PPP1R14C: variants seen among roughly 807,000 people sequenced by gnomAD.
PPP1R14C encodes protein phosphatase 1 regulatory inhibitor subunit 14C.
In PPP1R14C, 16 loss-of-function variants were observed where a neutral mutation model predicts 20.4. That is an observed-to-expected ratio of 0.78 (90% CI 0.53 to 1.19). The LOEUF is 1.19. Among genes scored for constraint, PPP1R14C ranks in the 50% most tolerant of loss-of-function variants. The probability of loss-of-function intolerance (pLI) is 0.00; values close to 1 mark genes in which losing one functional copy is unlikely to be tolerated. For missense variants in PPP1R14C, 211 were observed against 220.1 expected (o/e 0.96, Z 0.26); for synonymous variants, 91 against 91.0 (o/e 1.00, Z 0.00).
chr6:150,147,838 C>T (rs936505967), intron 1 of PPP1R14C, among the ~76,000 whole-genome samples: 7 of 152,074 alleles, frequency 4.6e-5, no homozygotes, highest in South Asian at 2.1e-4. Context: ...CCCCATTACC[C>T]CCATTTTATA....
Position 150,240,981 on chromosome 6 carries a change from G to C in PPP1R14C, c.424-7765G>C, listed in dbSNP as rs139382191. ...ATCTTTGACCGCAGTTCTTGACCCA[G>C]ATCTCCTAATCTGTTGGAATTTCCT... On this transcript the variant is annotated intron_variant, in intron 3 of 3. Transcript: ENST00000361131. Among the ~76,000 whole-genome samples the C allele has an allele frequency of 8.4e-4, 128 of 151,934 alleles. 3 individuals carry two copies. In the East Asian group the frequency reaches 0.021, roughly 24 times the overall value.
intron 2 of PPP1R14C, among the ~76,000 whole-genome samples, chr6:150,215,569 A>G (rs1266158142): frequency 6.6e-6 from 1 of 152,250 alleles, no homozygotes; most frequent in Non-Finnish European, 1.5e-5. Flanking sequence ...TGAATGTATT[A>G]ATGTGTTTAA....
chr6:150,204,757 C>T (rs1273503592), intron 1 of PPP1R14C, among the ~76,000 whole-genome samples: 1 of 152,200 alleles, frequency 6.6e-6, no homozygotes, highest in Admixed American at 6.5e-5. Context: ...TGCTTCTCTC[C>T]AAACTCCATG....
intron 1 of PPP1R14C, among the ~76,000 whole-genome samples, chr6:150,154,489 T>A (rs1198363190): frequency 1.3e-5 from 2 of 152,032 alleles, no homozygotes; most frequent in Admixed American, 6.6e-5. Flanking sequence ...TGAAAAAAAA[T>A]GAGGGAGATC....
chr6:150,182,098 C>T (rs975316673), intron 1 of PPP1R14C, among the ~76,000 whole-genome samples: 2 of 151,006 alleles, frequency 1.3e-5, no homozygotes, highest in African/African-American at 4.9e-5. Flanking sequence ...TGTCATTTGA[C>T]TAAATTCAGC....
At position 150,250,227 on chromosome 6, in the gene PPP1R14C, T is replaced by A. The variant is rs1778549147; in HGVS notation, c.*1407T>A. On this transcript the variant is annotated 3_prime_UTR_variant, in exon 4 of 4. Transcript: ENST00000361131. ...TATCAAGGGTGCTCTGAACATATTT[T>A]ATTTTTTAAAAAAACTATGTTTGTG... The A allele has an allele frequency of 6.6e-6, 1 of 152,596 alleles. No individual in the cohort carries two copies. The highest frequency in any genetic ancestry group is 1.5e-5 in the Non-Finnish European group (1 of 68,046). The allele number at this position is 152,596 out of a possible 1,614,324, so 9.5% of individuals were successfully genotyped here. A position where few individuals can be genotyped will look rare whatever the true frequency, so the allele number is the denominator to read the frequency against.
chr6:150,199,663 A>T (rs1777852088), intron 1 of PPP1R14C, among the ~76,000 whole-genome samples: 1 of 152,188 alleles, frequency 6.6e-6, no homozygotes, highest in South Asian at 2.1e-4. Flanking sequence ...TGAGCCCAGG[A>T]GTTCAAGACC....
chr6:150,224,641 C>T (rs1353483779), intron 3 of PPP1R14C, among the ~76,000 whole-genome samples: 2 of 152,224 alleles, frequency 1.3e-5, no homozygotes, highest in African/African-American at 4.8e-5. Flanking sequence ...TCTCTACTTA[C>T]ATTCCCCATC....
In PPP1R14C at chr6:150,192,068, C is replaced by T. The variant is rs150274950; in HGVS notation, c.307-22676C>T. On this transcript the variant is annotated intron_variant, in intron 1 of 3. Coordinates refer to ENST00000361131, the MANE Select transcript of PPP1R14C (RefSeq NM_030949.3). ...AAAGGATACTACTGAATCCTCTTCT[C>T]GGAGTCCTCACACAGCATGAAATTC... 1.6e-4 allele frequency among the ~76,000 whole-genome samples: 24 copies of T among 152,272 alleles called. No homozygotes were observed. In the East Asian group the frequency reaches 2.3e-3, roughly 15 times the overall value.
intron 1 of PPP1R14C, chr6:150,195,350 T>C (rs1393127517): frequency 5.4e-6 from 1 of 185,650 alleles, no homozygotes; most frequent in Admixed American, 6.5e-5. Flanking sequence ...CACATCTGGA[T>C]TGACATGTTT....
chr6:150,235,864 A>G (rs1322833779), intron 3 of PPP1R14C, among the ~76,000 whole-genome samples: 1 of 152,210 alleles, frequency 6.6e-6, no homozygotes, highest in Non-Finnish European at 1.5e-5. Context: ...TACTCAGGGG[A>G]GAATTTCCAG....
At chr6:150,146,406 T>G (rs925015374) in intron 1 of PPP1R14C, among the ~76,000 whole-genome samples, 1 of 152,182 alleles carries the variant, frequency 6.6e-6, no homozygotes, top group African/African-American at 2.4e-5. Flanking sequence ...ACTAACAACA[T>G]TTGTATAAAA....
intron 3 of PPP1R14C, among the ~76,000 whole-genome samples, chr6:150,221,397 G>C (rs1323882867): frequency 6.6e-5 from 10 of 152,174 alleles, no homozygotes; most frequent in Admixed American, 5.2e-4. Flanking sequence ...CTCAGCAAGA[G>C]GCTTAGAACT....
intron 1 of PPP1R14C, among the ~76,000 whole-genome samples, chr6:150,144,796 C>T (rs991975596): frequency 6.6e-6 from 1 of 152,194 alleles, no homozygotes; most frequent in African/African-American, 2.4e-5. Flanking sequence ...GTTGTTTCTC[C>T]AGTCCAGCTC....
In PPP1R14C at chr6:150,249,547, T is replaced by A; in HGVS notation, c.*727T>A. ...GGGATGCTTTGCCAGGTCATGTGCTTATTGTCTCATTTTGTAGTCTTTTAA... is the reference window on the plus strand; with the variant it reads ...GGGATGCTTTGCCAGGTCATGTGCTAATTGTCTCATTTTGTAGTCTTTTAA... On this transcript the variant is annotated 3_prime_UTR_variant, in exon 4 of 4. Coordinates refer to ENST00000361131, the MANE Select transcript of PPP1R14C (RefSeq NM_030949.3). The A allele has an allele frequency of 2.5e-6, 1 of 398,642 alleles. No homozygotes were observed. The highest frequency in any genetic ancestry group is 4.4e-6 in the Non-Finnish European group (1 of 226,064). 24.7% of individuals were successfully genotyped at this position (398,642 alleles called of 1,614,324 possible).
intron 3 of PPP1R14C, among the ~76,000 whole-genome samples, chr6:150,241,037 G>A (rs1385366868): frequency 1.3e-5 from 2 of 151,970 alleles, no homozygotes; most frequent in African/African-American, 4.8e-5. Context: ...GTTCTAATGA[G>A]GCATGTCTTG....
intron 1 of PPP1R14C, among the ~76,000 whole-genome samples, chr6:150,153,909 G>T (rs1255928368): frequency 1.3e-5 from 2 of 152,192 alleles, no homozygotes; most frequent in African/African-American, 4.8e-5. Context: ...ATAACATAGG[G>T]CAGGAAAGGG....
intron 3 of PPP1R14C, among the ~76,000 whole-genome samples, chr6:150,235,942 G>T (rs1778354486): frequency 6.6e-6 from 1 of 152,112 alleles, no homozygotes; most frequent in African/African-American, 2.4e-5. Context: ...TGAAAGGATT[G>T]TTGTGTTTAT....
rs745970011 is a variant in PPP1R14C at position 150,143,534 on chromosome 6, C to T, written c.306+36C>T. On this transcript the variant is annotated intron_variant, in intron 1 of 3. Transcript: ENST00000361131. The surrounding 1 kb of genome is among the most constrained non-coding windows in gnomAD (Gnocchi z 5.6). ...GCGGGGCTGGGAGGGTCGGGGACCT[C>T]TCTAGCTCCTCTGTGCCCGCGCAGT... is the stretch of plus-strand genomic sequence containing the variant. The T allele has an allele frequency of 7.4e-7, 1 of 1,360,066 alleles. No individual in the cohort carries two copies. Among genetic ancestry groups the T allele is most frequent in the Non-Finnish European group, 1.0e-6 (1 of 986,838 alleles). 84.2% of individuals were successfully genotyped at this position (1,360,066 alleles called of 1,614,324 possible).
Sources: gnomAD v4.1 joint callset for allele counts (sites outside exome capture counted in the v4.1 genomes callset) on GRCh38, gnomAD v4.1.1 for gene constraint, Gnocchi (gnomAD v3.1) non-coding constraint, MANE v1.5 for transcripts, NCBI Gene and HGNC (gene_info 2026-07-23, HGNC 2026-07-21) for gene names.